The following CMTM5 variants were observed in gnomAD, a reference collection of about 807,000 sequenced individuals.
CMTM5 encodes the protein CKLF like MARVEL transmembrane domain containing 5.
A neutral mutation model predicts 26.9 loss-of-function variants in CMTM5; 25 were observed. The observed-to-expected ratio is 0.93, with a 90% CI of 0.68 to 1.30. The LOEUF (loss-of-function observed/expected upper bound fraction) is 1.30. Among genes scored for constraint, CMTM5 ranks in the 50% most tolerant of loss-of-function variants. CMTM5 has a pLI of 0.00. For missense variants in CMTM5, 292 were observed against 289.6 expected (o/e 1.01, Z -0.06); for synonymous variants, 98 against 115.5 (o/e 0.85, Z 0.97).
At chr14:23,376,852 G>C, upstream of CMTM5, 1 of 189,110 alleles carries the variant, frequency 5.3e-6, no homozygotes. Flanking sequence ...AGGTCCCTGG[G>C]GGCTCCCAGT....
At position 23,378,671 on chromosome 14, in the gene CMTM5, G is replaced by T; in HGVS notation, c.282G>T (p.Leu94=). The T allele has an allele frequency of 6.2e-7, 1 of 1,613,216 alleles. No individual in the cohort carries two copies. The highest frequency in any genetic ancestry group is 8.5e-7 in the Non-Finnish European group (1 of 1,179,838). Residue 94 remains leucine, a splice_region_variant and synonymous_variant, in exon 3 of 6, where the codon CTG becomes CTT. Coordinates refer to ENST00000339180, the MANE Select transcript of CMTM5 (RefSeq NM_001288746.2). This position sits in a 1 kb window ranked among gnomAD's most constrained non-coding sequence, Gnocchi z 4.2. ...TTTGACTCACACTGATTTCACAGCTGCAGGGCCACGGGCAATCAGGAGGAC... is the reference window on the plus strand; with the variant it reads ...TTTGACTCACACTGATTTCACAGCTTCAGGGCCACGGGCAATCAGGAGGAC... ...RFDRINWPCL[L]QGHGQSGGPH...
At position 23,377,370 on chromosome 14, in the gene CMTM5, C is replaced by A; in HGVS notation, c.119C>A (p.Thr40Asn). ...TCCCACAAGGGCATCCTGCTGGAAA[C>A]CGAGCTGGTAACAGCTGCCTCCCAA... is the stretch of plus-strand genomic sequence containing the variant. ...LTSHKGILLE[T>N]ELALTLIIFI... The change falls in exon 1 of 6, where the codon ACC becomes AAC. Residue 40 changes from threonine to asparagine, a missense_variant. Transcript: ENST00000339180. This position sits in a 1 kb window ranked among gnomAD's most constrained non-coding sequence, Gnocchi z 4.6. The A allele has an allele frequency of 6.3e-7, 1 of 1,587,366 alleles. No homozygotes were observed. Among genetic ancestry groups the A allele is most frequent in the South Asian group, 1.1e-5 (1 of 88,132 alleles).
In CMTM5 at chr14:23,378,468, C is replaced by T. The variant is rs765839706; in HGVS notation, c.246C>T (p.Tyr82=). 7 of 1,614,190 alleles carry T rather than the reference C, an allele frequency of 4.3e-6. No individual in the cohort carries two copies. In the South Asian group the frequency reaches 4.4e-5, roughly 10 times the overall value. The change falls in exon 2 of 6, where the codon TAC becomes TAT. Residue 82 remains tyrosine (Y), a synonymous_variant. Transcript: ENST00000339180. The surrounding 1 kb of genome is among the most constrained non-coding windows in gnomAD (Gnocchi z 4.2). ...AFLFLYATQY[Y]QRFDRINWPC... ...TCTTCCTCTATGCCACCCAGTACTA[C>T]CAGCGCTTCGACCGAATTAACTGGC...
chr14:23,378,121 G>C lies in CMTM5; in HGVS notation c.127-228G>C. The C allele has an allele frequency of 1.7e-6, 1 of 587,022 alleles. No homozygotes were observed. Among genetic ancestry groups the C allele is most frequent in the Non-Finnish European group, 3.0e-6 (1 of 331,164 alleles). The allele number at this position is 587,022 out of a possible 1,614,324, so 36.4% of individuals were successfully genotyped here. ...CCATATGGCTTGGCCAGACTGCTGG[G>C]GTTGCTGGGTGAGCAGAGTGGGAGG... On this transcript the variant is annotated intron_variant, in intron 1 of 5. Coordinates refer to ENST00000339180, the MANE Select transcript of CMTM5 (RefSeq NM_001288746.2). The surrounding 1 kb of genome is among the most constrained non-coding windows in gnomAD (Gnocchi z 4.2).
Position 23,378,280 on chromosome 14 carries a change from G to A in CMTM5, c.127-69G>A, listed in dbSNP as rs1374148094. 1.9e-6 allele frequency: 3 copies of A among 1,568,204 alleles called. No homozygotes were observed. Among genetic ancestry groups the A allele is most frequent in the African/African-American group, 2.7e-5 (2 of 73,960 alleles). On this transcript the variant is annotated intron_variant, in intron 1 of 5. Transcript: ENST00000339180. The surrounding 1 kb of genome is among the most constrained non-coding windows in gnomAD (Gnocchi z 4.2). ...GCCAGCCTAGGGGAGCTTCCAAGGAGGGGAAGGCAAAGCCCTGGCCCCTGC... is the reference window on the plus strand; with the variant it reads ...GCCAGCCTAGGGGAGCTTCCAAGGAAGGGAAGGCAAAGCCCTGGCCCCTGC...
intron 4 of CMTM5, 51 bp downstream of exon 4, chr14:23,379,174 G>A (rs1890744901): frequency 1.2e-6 from 2 of 1,602,956 alleles, no homozygotes; most frequent in Non-Finnish European, 1.7e-6. Context: ...TCAGGCTGGT[G>A]CTTGCACACT....
At position 23,378,070 on chromosome 14, in the gene CMTM5, T is replaced by C; in HGVS notation, c.127-279T>C. 2.0e-6 allele frequency: 1 copy of C among 488,530 alleles called. No homozygotes were observed. Among genetic ancestry groups the C allele is most frequent in the Non-Finnish European group, 3.7e-6 (1 of 272,272 alleles). 30.3% of individuals were successfully genotyped at this position (488,530 alleles called of 1,614,324 possible). A position where few individuals can be genotyped will look rare whatever the true frequency, so the allele number is the denominator to read the frequency against. ...CTGGCATTCACACTGTACCTATGAA[T>C]TACTGTGGGATAGTGCTCCTGGGAG... is the stretch of plus-strand genomic sequence containing the variant. On this transcript the variant is annotated intron_variant, in intron 1 of 5. Transcript: ENST00000339180. The surrounding 1 kb of genome is among the most constrained non-coding windows in gnomAD (Gnocchi z 4.2).
At position 23,379,288 on chromosome 14, in the gene CMTM5, C is replaced by A. The variant is rs1890755590; in HGVS notation, c.574-11C>A. On this transcript the variant is annotated splice_polypyrimidine_tract_variant and intron_variant, in intron 4 of 5. Coordinates refer to ENST00000339180, the MANE Select transcript of CMTM5 (RefSeq NM_001288746.2). The stretch of plus-strand genomic sequence containing the variant: ...GCCTCTGTTTTGCCATCCCCACTCC[C>A]ACTCCCACAGGTTTTTGGCATCATC... The A allele has an allele frequency of 6.2e-7, 1 of 1,614,068 alleles. No homozygotes were observed. The highest frequency in any genetic ancestry group is 1.1e-5 in the South Asian group (1 of 91,044).
At position 23,379,558 on chromosome 14, in the gene CMTM5, G is replaced by T; in HGVS notation, c.*71G>T. 1 of 1,605,692 alleles carries T rather than the reference G, an allele frequency of 6.2e-7. No individual in the cohort carries two copies. The highest frequency in any genetic ancestry group is 1.3e-5 in the African/African-American group (1 of 74,858). On this transcript the variant is annotated 3_prime_UTR_variant, in exon 6 of 6. Coordinates refer to ENST00000339180, the MANE Select transcript of CMTM5 (RefSeq NM_001288746.2). Reference sequence around the variant, plus strand: ...GTGGAGCCCAGACACGTCTCCTTGGGATTCACTAGCCCCCAGCCCGCCAAA... The same window carrying T: ...GTGGAGCCCAGACACGTCTCCTTGGTATTCACTAGCCCCCAGCCCGCCAAA...
chr14:23,378,944 G>A lies in CMTM5; in HGVS notation c.480+75G>A, dbSNP rs2138571071. On this transcript the variant is annotated intron_variant, in intron 3 of 5. Coordinates refer to ENST00000339180, the MANE Select transcript of CMTM5 (RefSeq NM_001288746.2). The surrounding 1 kb of genome is among the most constrained non-coding windows in gnomAD (Gnocchi z 4.2). ...TATGGAGGGGTTCAGAATCCCTCAGGGTCGGGCTGCTGGCTAGCCTGGAAA... is the reference window on the plus strand; with the variant it reads ...TATGGAGGGGTTCAGAATCCCTCAGAGTCGGGCTGCTGGCTAGCCTGGAAA... 6.2e-7 allele frequency: 1 copy of A among 1,602,758 alleles called. No homozygotes were observed. The highest frequency in any genetic ancestry group is 2.2e-5 in the East Asian group (1 of 44,742).
chr14:23,379,257 C>A, intron 4 of CMTM5, 42 bp from the exon 5 acceptor site: 1 of 1,612,684 alleles, frequency 6.2e-7, no homozygotes, highest in South Asian at 1.1e-5. Flanking sequence ...ACCCAATGGC[C>A]CTATAGCCTC....
Position 23,378,601 on chromosome 14 carries a change from C to T in CMTM5, c.280-68C>T. On this transcript the variant is annotated intron_variant, in intron 2 of 5. Coordinates refer to ENST00000339180, the MANE Select transcript of CMTM5 (RefSeq NM_001288746.2). This position sits in a 1 kb window ranked among gnomAD's most constrained non-coding sequence, Gnocchi z 4.2. The stretch of plus-strand genomic sequence containing the variant: ...CGAGCTTCTTTCCATTTCCACACCA[C>T]AGCTGGGCTTTGTCCCATGCTATGC... The T allele has an allele frequency of 6.2e-7, 1 of 1,606,474 alleles. No homozygotes were observed. Among genetic ancestry groups the T allele is most frequent in the South Asian group, 1.1e-5 (1 of 90,838 alleles).
rs913902385 is a variant in CMTM5, at chr14:23,378,684, C to T, written c.295C>T (p.Gln99Ter). Residue 99 changes from glutamine to a stop codon, truncating the protein, a stop_gained, in exon 3 of 6, where the codon CAA becomes TAA. Transcript: ENST00000339180. LOFTEE classifies it high-confidence loss of function. The surrounding 1 kb of genome is among the most constrained non-coding windows in gnomAD (Gnocchi z 4.2). ...NWPCLLQGHG[Q>*]SGGPHPLDLL... ...GATTTCACAGCTGCAGGGCCACGGG[C>T]AATCAGGAGGACCACATCCGCTAGA... is the stretch of plus-strand genomic sequence containing the variant. The T allele has an allele frequency of 5.0e-6, 8 of 1,613,080 alleles. No homozygotes were observed. In the Admixed American group the frequency reaches 5.0e-5, roughly 10 times the overall value.
At chr14:23,379,256 C>T (rs751893309) in intron 4 of CMTM5, 43 bp from the exon 5 acceptor site, 1 of 1,612,352 alleles carries the variant, frequency 6.2e-7, no homozygotes, top group Non-Finnish European at 8.5e-7. Context: ...AACCCAATGG[C>T]CCTATAGCCT....
Position 23,377,522 on chromosome 14 carries a change from C to A in CMTM5, c.126+145C>A. On this transcript the variant is annotated intron_variant, in intron 1 of 5. Transcript: ENST00000339180. The surrounding 1 kb of genome is among the most constrained non-coding windows in gnomAD (Gnocchi z 4.6). ...CTCCTGCCCGCAGCTGCCCCTTCTTCGTCTCCTACTCTGCCTTCTTGCTGC... is the reference window on the plus strand; with the variant it reads ...CTCCTGCCCGCAGCTGCCCCTTCTTAGTCTCCTACTCTGCCTTCTTGCTGC... 1 of 865,848 alleles carries A rather than the reference C, an allele frequency of 1.2e-6. No homozygotes were observed. Among genetic ancestry groups the A allele is most frequent in the Non-Finnish European group, 1.7e-6 (1 of 604,984 alleles). The allele number at this position is 865,848 out of a possible 1,614,324, so 53.6% of individuals were successfully genotyped here. A position where few individuals can be genotyped will look rare whatever the true frequency, so the allele number is the denominator to read the frequency against.
chr14:23,378,883 C>A lies in CMTM5; in HGVS notation c.480+14C>A, dbSNP rs776726693. 9 of 1,612,688 alleles carry A rather than the reference C, an allele frequency of 5.6e-6. No individual in the cohort carries two copies. The highest frequency in any genetic ancestry group is 1.3e-5 in the African/African-American group (1 of 74,886). ...CTGGGTAGCAGTGTGAGCGCTCTGT[C>A]TCTTGAATGTGCTTCATATTGTGTG... On this transcript the variant is annotated intron_variant, in intron 3 of 5. Transcript: ENST00000339180. This position sits in a 1 kb window ranked among gnomAD's most constrained non-coding sequence, Gnocchi z 4.2.
In CMTM5 at chr14:23,377,658, A is replaced by G. The variant is rs930360087; in HGVS notation, c.126+281A>G. The G allele has an allele frequency of 1.7e-5, 5 of 294,170 alleles. No individual in the cohort carries two copies. Among genetic ancestry groups the G allele is most frequent in the Non-Finnish European group, 3.2e-5 (5 of 156,440 alleles). The allele number at this position is 294,170 out of a possible 1,614,324, so 18.2% of individuals were successfully genotyped here. On this transcript the variant is annotated intron_variant, in intron 1 of 5. Transcript: ENST00000339180. This position sits in a 1 kb window ranked among gnomAD's most constrained non-coding sequence, Gnocchi z 4.6. ...GAAGCTTGAGACATAGGGATGGGACAGGGGCAATGACAGCCTCTAACATGG... is the reference window on the plus strand; with the variant it reads ...GAAGCTTGAGACATAGGGATGGGACGGGGGCAATGACAGCCTCTAACATGG...
rs1890627354 is a variant in CMTM5 at position 23,377,575 on chromosome 14, G to T, written c.126+198G>T. ...CTCCACCCGGAGACATTTACAGCAG[G>T]TTTCAGTTGCAGCAGGAAGGACTGC... On this transcript the variant is annotated intron_variant, in intron 1 of 5. Coordinates refer to ENST00000339180, the MANE Select transcript of CMTM5 (RefSeq NM_001288746.2). The surrounding 1 kb of genome is among the most constrained non-coding windows in gnomAD (Gnocchi z 4.6). 4 of 551,804 alleles carry T rather than the reference G, an allele frequency of 7.2e-6. No individual in the cohort carries two copies. The East Asian group carries it at 1.3e-4, about 19-fold the overall frequency. The allele number at this position is 551,804 out of a possible 1,614,324, so 34.2% of individuals were successfully genotyped here. A position where few individuals can be genotyped will look rare whatever the true frequency, so the allele number is the denominator to read the frequency against.
chr14:23,379,532 A>G lies in CMTM5; in HGVS notation c.*45A>G. ...CTAGGCCCAGCCAGCCAGAGAGGAC[A>G]GTGGAGCCCAGACACGTCTCCTTGG... On this transcript the variant is annotated 3_prime_UTR_variant, in exon 6 of 6. Transcript: ENST00000339180. 6.2e-7 allele frequency: 1 copy of G among 1,611,250 alleles called. No individual in the cohort carries two copies. The highest frequency in any genetic ancestry group is 1.3e-5 in the African/African-American group (1 of 74,972).
Sources: allele counts gnomAD v4.1 joint callset, GRCh38; gene constraint gnomAD v4.1.1; non-coding constraint Gnocchi (gnomAD v3.1); transcripts MANE v1.5; gene names NCBI Gene and HGNC (gene_info 2026-07-23, HGNC 2026-07-21).